CDCA2: variants seen among roughly 807,000 people sequenced by gnomAD.
The protein encoded by CDCA2 is cell division cycle associated 2.
Under a neutral mutation model 67.0 loss-of-function variants are expected in CDCA2, and 44 were observed. That is an observed-to-expected ratio of 0.66 (90% CI 0.52 to 0.84). CDCA2 has a LOEUF of 0.84. CDCA2 is among the 40% of genes least tolerant of loss of function. The pLI is 0.00. For missense variants in CDCA2, 1,253 were observed against 1,203.2 expected (o/e 1.04, Z -0.61); for synonymous variants, 447 against 418.7 (o/e 1.07, Z -0.82).
intron 13 of CDCA2, among the ~76,000 whole-genome samples, chr8:25,491,042 C>G (rs1031964848): frequency 2.0e-5 from 3 of 151,978 alleles, no homozygotes. Flanking sequence ...TACTCCACTC[C>G]AATTTAAGAA....
intron 7 of CDCA2, among the ~76,000 whole-genome samples, chr8:25,479,413 G>A (rs1028757479): frequency 7.2e-5 from 11 of 152,172 alleles, no homozygotes; most frequent in African/African-American, 2.7e-4. Context: ...AAGAATTTGG[G>A]AAGAAAAGCC....
At chr8:25,505,058 C>T (rs1230448482) in intron 14 of CDCA2, among the ~76,000 whole-genome samples, 1 of 152,156 alleles carries the variant, frequency 6.6e-6, no homozygotes, top group Non-Finnish European at 1.5e-5. Flanking sequence ...GTGGTATCAC[C>T]TGCTACATGG....
intron 10 of CDCA2, among the ~76,000 whole-genome samples, chr8:25,485,214 A>T (rs55993615): frequency 1.3e-3 from 41 of 32,742 alleles, no homozygotes; most frequent in African/African-American, 2.2e-3. Context: ...AATAATAAAG[A>T]AAAAGCATTT....
At chr8:25,468,694 A>G (rs930162638) in intron 6 of CDCA2, among the ~76,000 whole-genome samples, 8 of 152,124 alleles carry the variant, frequency 5.3e-5, no homozygotes, top group African/African-American at 1.9e-4. Context: ...TCTTCTACGT[A>G]TGAGGTATTC....
At position 25,506,946 on chromosome 8, in the gene CDCA2, CAT is replaced by C; in HGVS notation, c.2282_2283del (p.Ile761LysfsTer3). The C allele has an allele frequency of 5.0e-6, 8 of 1,613,686 alleles. No individual in the cohort carries two copies. Among genetic ancestry groups the C allele is most frequent in the South Asian group, 3.3e-5 (3 of 90,950 alleles). ...TCTTTAAAATTTCACCAGATTTAAACATAAAGTGTGAAAGAAAGGATGACTTC... is the reference window on the plus strand; with the variant it reads ...TCTTTAAAATTTCACCAGATTTAAACAAAGTGTGAAAGAAAGGATGACTTC... ...QFFKISPDLN[I>X]KCERKDDFLG... is the part of the protein sequence containing the mutation. On this transcript the variant is annotated frameshift_variant, in exon 15 of 15. Transcript: ENST00000330560. LOFTEE classifies it low-confidence loss of function (END_TRUNC).
intron 9 of CDCA2, 98 bp downstream of exon 9, chr8:25,483,584 T>C (rs1803653076): frequency 2.5e-6 from 2 of 786,206 alleles, no homozygotes; most frequent in African/African-American, 1.8e-5. Flanking sequence ...TATAATGCCT[T>C]AGTGCTTCTG....
chr8:25,494,534 G>A (rs149438019), intron 13 of CDCA2, among the ~76,000 whole-genome samples: 2 of 151,998 alleles, frequency 1.3e-5, no homozygotes, highest in Non-Finnish European at 2.9e-5. Context: ...TTTATGTCGG[G>A]GACTTGAGTA....
rs77600294 is a variant in CDCA2 at position 25,485,849 on chromosome 8, T to C, written c.1444+12T>C. On this transcript the variant is annotated intron_variant, in intron 11 of 14. Transcript: ENST00000330560. ...TGAGACCCTTTCAGGTAGTAACTTG[T>C]TTATCTTAAAATCATAAATGTCATT... 1,800 of 1,490,134 alleles carry C rather than the reference T, an allele frequency of 1.2e-3. 22 individuals carry two copies. In the African/African-American group the frequency reaches 0.023, roughly 19 times the overall value. The allele number at this position is 1,490,134 out of a possible 1,614,324, so 92.3% of individuals were successfully genotyped here. A position where few individuals can be genotyped will look rare whatever the true frequency, so the allele number is the denominator to read the frequency against.
At position 25,484,956 on chromosome 8, in the gene CDCA2, A is replaced by G. The variant is rs574810374; in HGVS notation, c.1365+746A>G. Among the ~76,000 whole-genome samples, 124 of 152,266 alleles carry G rather than the reference A, an allele frequency of 8.1e-4. 1 individual carries two copies. The highest frequency in any genetic ancestry group is 2.7e-3 in the African/African-American group (114 of 41,558). On this transcript the variant is annotated intron_variant, in intron 10 of 14. Coordinates refer to ENST00000330560, the MANE Select transcript of CDCA2 (RefSeq NM_152562.4). ...AAACTACAGTTCAGTATCCTTGTAA[A>G]CATAGCAATATATAAAAAGATAATA...
chr8:25,464,419 TA>T (rs1802819913), intron 4 of CDCA2, among the ~76,000 whole-genome samples: 1 of 152,096 alleles, frequency 6.6e-6, no homozygotes, highest in Admixed American at 6.5e-5. Flanking sequence ...TTGTCTCAAA[TA>T]AAAATAAAGT....
intron 7 of CDCA2, among the ~76,000 whole-genome samples, chr8:25,473,044 T>C (rs1803220266): frequency 6.6e-6 from 1 of 152,216 alleles, no homozygotes; most frequent in Non-Finnish European, 1.5e-5. Flanking sequence ...GTAACCACTA[T>C]TCAACTCTTT....
intron 13 of CDCA2, among the ~76,000 whole-genome samples, chr8:25,491,403 G>C (rs1014778746): frequency 6.6e-6 from 1 of 152,166 alleles, no homozygotes; most frequent in East Asian, 1.9e-4. Context: ...GCCTGTAACT[G>C]TGAAACTGAA....
rs146141753 is a variant in CDCA2 at position 25,494,454 on chromosome 8, T to C, written c.1671+5765T>C. ...TAGAGATGCTTTAAAGCATAGTTAT[T>C]ATGCTGTATTTTTACAGTATAATGC... is the stretch of plus-strand genomic sequence containing the variant. On this transcript the variant is annotated intron_variant, in intron 13 of 14. Transcript: ENST00000330560. Among the ~76,000 whole-genome samples the C allele has an allele frequency of 8.5e-5, 13 of 152,348 alleles. No homozygotes were observed. The East Asian group carries it at 2.3e-3, about 27-fold the overall frequency.
In CDCA2 at chr8:25,507,565, T is replaced by C; in HGVS notation, c.2899T>C (p.Ser967Pro). ...AAACAGCCAGGGCCCTGCTGCTGGT[T>C]CTTCCGATGAACCTGGTAAGAGGAG... The part of the protein sequence containing the change: ...PENSQGPAAG[S>P]SDEPGKRRKS... The change falls in exon 15 of 15, where the codon TCT becomes CCT. Residue 967 changes from serine to proline, a missense_variant. Coordinates refer to ENST00000330560, the MANE Select transcript of CDCA2 (RefSeq NM_152562.4). The C allele has an allele frequency of 1.2e-6, 2 of 1,614,222 alleles. No homozygotes were observed. Among genetic ancestry groups the C allele is most frequent in the Non-Finnish European group, 1.7e-6 (2 of 1,180,036 alleles).
intron 7 of CDCA2, 67 bp from the exon 8 acceptor site, chr8:25,479,846 T>G: frequency 6.9e-7 from 1 of 1,440,974 alleles, no homozygotes; most frequent in Non-Finnish European, 9.7e-7. Flanking sequence ...AAATACTATA[T>G]TTTTGGTCTA....
At chr8:25,481,009 A>G (rs916576261) in intron 8 of CDCA2, among the ~76,000 whole-genome samples, 3 of 152,236 alleles carry the variant, frequency 2.0e-5, no homozygotes, top group African/African-American at 7.2e-5. Flanking sequence ...ACATACAAGT[A>G]TGCCTACAAG....
At chr8:25,492,047 C>T (rs1243474679) in intron 13 of CDCA2, among the ~76,000 whole-genome samples, 3 of 152,126 alleles carry the variant, frequency 2.0e-5, no homozygotes, top group Non-Finnish European at 4.4e-5. Flanking sequence ...CTGCCTTCCT[C>T]GGCCTCCCAA....
In CDCA2 at chr8:25,495,627, A is replaced by G. The variant is rs189799655; in HGVS notation, c.1671+6938A>G. Among the ~76,000 whole-genome samples the G allele has an allele frequency of 8.8e-3, 1,332 of 152,222 alleles. 21 individuals carry two copies. Among genetic ancestry groups the G allele is most frequent in the African/African-American group, 0.03 (1,243 of 41,536 alleles). On this transcript the variant is annotated intron_variant, in intron 13 of 14. Coordinates refer to ENST00000330560, the MANE Select transcript of CDCA2 (RefSeq NM_152562.4). ...AGTAGAGACTGGGTTTCACCATGTT[A>G]GCCAGGATGGTCTCGATCTGCTGAC...
At position 25,507,213 on chromosome 8, in the gene CDCA2, TCA is replaced by T. The variant is rs1314382762; in HGVS notation, c.2553_2554del (p.Pro852IlefsTer11). On this transcript the variant is annotated frameshift_variant, in exon 15 of 15. Transcript: ENST00000330560. LOFTEE classifies it low-confidence loss of function (END_TRUNC). ...RSLHLEKNGNHTPSSSVGSSV... is the reference protein window; with the variant it reads ...RSLHLEKNGNXTPSSSVGSSV... ...GTTTACATTTGGAAAAAAATGGAAA[TCA>T]CACACCATCCTCCAGTGTGGGCAGC... 4.3e-6 allele frequency: 7 copies of T among 1,614,108 alleles called. No individual in the cohort carries two copies. In the Admixed American group the frequency reaches 1.2e-4, roughly 27 times the overall value.
Sources: allele counts gnomAD v4.1 joint callset (sites outside exome capture counted in the v4.1 genomes callset), GRCh38; gene constraint gnomAD v4.1.1; transcripts MANE v1.5; gene names NCBI Gene and HGNC (gene_info 2026-07-23, HGNC 2026-07-21).